The following SFXN2 variants were observed in gnomAD, a reference collection of about 807,000 sequenced individuals.
SFXN2 encodes the protein sideroflexin 2, also known as sideroflexin-2.
A neutral mutation model predicts 41.9 loss-of-function variants in SFXN2; 37 were observed. That is an observed-to-expected ratio of 0.88 (90% CI 0.68 to 1.16). SFXN2 has a LOEUF of 1.16. Among genes scored for constraint, SFXN2 ranks in the 50% most tolerant of loss-of-function variants. The probability of loss-of-function intolerance (pLI) is 0.00; values close to 1 mark genes in which losing one functional copy is unlikely to be tolerated. For synonymous variants in SFXN2, 150 were observed against 156.7 expected (o/e 0.96, Z 0.32); for missense variants, 386 against 425.2 (o/e 0.91, Z 0.81).
intron 11 of SFXN2, 71 bp from the exon 12 acceptor site, chr10:102,737,592 T>G: frequency 2.1e-6 from 2 of 948,934 alleles, no homozygotes; most frequent in Non-Finnish European, 3.4e-6. Flanking sequence ...TTCTTGGAGG[T>G]GATATTCATC....
intron 1 of SFXN2, among the ~76,000 whole-genome samples, chr10:102,719,213 G>A (rs1176091422): frequency 2.2e-4 from 33 of 150,314 alleles, no homozygotes; most frequent in Non-Finnish European, 4.1e-4. Context: ...ATGAGCCACC[G>A]TGCCCGGCCT....
Position 102,729,761 on chromosome 10 carries a change from C to T in SFXN2, c.546C>T (p.Ala182=), listed in dbSNP as rs755720291. ...TGGTGGGCCGCTGGGTGCCCTTTGC[C>T]GCTGTGGCTGCGGCTAACTGTGTCA... The part of the protein sequence containing the change: ...PPLVGRWVPF[A]AVAAANCVNI... The change falls in exon 6 of 12, where the codon GCC becomes GCT. Residue 182 remains alanine (A), a synonymous_variant. Transcript: ENST00000369893. The T allele has an allele frequency of 1.1e-5, 17 of 1,613,936 alleles. No homozygotes were observed. Among genetic ancestry groups the T allele is most frequent in the South Asian group, 2.2e-5 (2 of 91,092 alleles).
intron 10 of SFXN2, 130 bp downstream of exon 10, chr10:102,733,733 C>T: frequency 2.6e-6 from 2 of 762,880 alleles, no homozygotes; most frequent in Admixed American, 2.2e-5. Flanking sequence ...CTCAGAATAC[C>T]TGTGGTCCAT....
Position 102,738,609 on chromosome 10 carries a change from T to C in SFXN2, c.*847T>C, listed in dbSNP as rs2134013116. 6.6e-6 allele frequency: 1 copy of C among 152,202 alleles called. No individual in the cohort carries two copies. Among genetic ancestry groups the C allele is most frequent in the African/African-American group, 2.4e-5 (1 of 41,524 alleles). The allele number at this position is 152,202 out of a possible 1,614,324, so 9.4% of individuals were successfully genotyped here. Reference sequence around the variant, plus strand: ...ACCACACCCAGCCCGGACAGCTTCTTTGGGAGTGCTGCTAACCTTGAAATT... The same window carrying C: ...ACCACACCCAGCCCGGACAGCTTCTCTGGGAGTGCTGCTAACCTTGAAATT... On this transcript the variant is annotated 3_prime_UTR_variant, in exon 12 of 12. Coordinates refer to ENST00000369893, the MANE Select transcript of SFXN2 (RefSeq NM_178858.6).
chr10:102,724,908 A>C (rs1195923709), intron 1 of SFXN2: 2 of 124,950 alleles, frequency 1.6e-5, no homozygotes, highest in Non-Finnish European at 3.3e-5. Flanking sequence ...GTTTCTTCAA[A>C]CTGCGTTTTT....
chr10:102,733,210 C>T (rs1375298817), intron 9 of SFXN2, among the ~76,000 whole-genome samples: 3 of 152,172 alleles, frequency 2.0e-5, no homozygotes, highest in South Asian at 2.1e-4. Flanking sequence ...TGCAGTGGCG[C>T]GATCTTGGCT....
rs373421031 is a variant in SFXN2 at position 102,740,886 on chromosome 10, T to C, written c.*3124T>C. The C allele has an allele frequency of 1.3e-5, 2 of 152,340 alleles. No homozygotes were observed. The highest frequency in any genetic ancestry group is 4.1e-4 in the South Asian group (2 of 4,828). 9.4% of individuals were successfully genotyped at this position (152,340 alleles called of 1,614,324 possible). ...GTAGAGCTTGGAAACAACTCCTGAC[T>C]GATGTTCTTTCAGAACATACAATGT... is the stretch of plus-strand genomic sequence containing the variant. On this transcript the variant is annotated 3_prime_UTR_variant, in exon 12 of 12. Transcript: ENST00000369893.
rs117712858 is a variant in SFXN2, at chr10:102,729,213, C to T, written c.432-106C>T. On this transcript the variant is annotated intron_variant, in intron 4 of 11. Transcript: ENST00000369893. ...GATAAGGCTGGGGACAGATCCTGTGCGGTTTTCACGCACGAAGCCTCGCCA... is the reference window on the plus strand; with the variant it reads ...GATAAGGCTGGGGACAGATCCTGTGTGGTTTTCACGCACGAAGCCTCGCCA... 4.2e-4 allele frequency: 409 copies of T among 983,264 alleles called. 3 individuals are homozygous for T. In the East Asian group the frequency reaches 9.9e-3, roughly 24 times the overall value. The allele number at this position is 983,264 out of a possible 1,614,324, so 60.9% of individuals were successfully genotyped here.
At chr10:102,729,192 A>G in intron 4 of SFXN2, 127 bp from the exon 5 acceptor site, 1 of 795,786 alleles carries the variant, frequency 1.3e-6, no homozygotes, top group Non-Finnish European at 2.0e-6. Flanking sequence ...TCACAAGATA[A>G]GGCTGGGGAC....
chr10:102,731,132 T>G (rs2064697382), intron 6 of SFXN2, among the ~76,000 whole-genome samples: 2 of 151,122 alleles, frequency 1.3e-5, no homozygotes, highest in Non-Finnish European at 3.0e-5. Flanking sequence ...CCGGGCATGG[T>G]GGCGCATGCC....
At chr10:102,732,303 TGG>T in intron 8 of SFXN2, 85 bp downstream of exon 8, 1 of 1,211,456 alleles carries the variant, frequency 8.3e-7, no homozygotes, top group Non-Finnish European at 1.2e-6. Flanking sequence ...GGGTGGGAGG[TGG>T]GGCCCACCTT....
intron 1 of SFXN2, among the ~76,000 whole-genome samples, chr10:102,725,951 T>C (rs1218177680): frequency 6.6e-6 from 1 of 152,062 alleles, no homozygotes; most frequent in Non-Finnish European, 1.5e-5. Context: ...TTTTGTTTTG[T>C]TTTTCCCCCC....
At chr10:102,727,189 C>T (rs1284504134) in intron 3 of SFXN2, 32 bp downstream of exon 3, 6 of 1,577,226 alleles carry the variant, frequency 3.8e-6, no homozygotes, top group South Asian at 1.1e-5. Context: ...GTGGGAGGTA[C>T]AGCTGCCTGG....
At chr10:102,732,103 T>G (rs370143470) in intron 7 of SFXN2, 49 bp from the exon 8 acceptor site, 4 of 1,562,666 alleles carry the variant, frequency 2.6e-6, no homozygotes, top group Admixed American at 1.7e-5. Context: ...GTGCAGCACA[T>G]GTACACTGGA....
At chr10:102,731,256 G>C (rs1160158884) in intron 6 of SFXN2, among the ~76,000 whole-genome samples, 1 of 134,844 alleles carries the variant, frequency 7.4e-6, no homozygotes, top group South Asian at 2.5e-4. Context: ...GACAGAGTGC[G>C]ATTGTCTCAA....
At chr10:102,724,254 G>T (rs1262641119) in intron 1 of SFXN2, among the ~76,000 whole-genome samples, 1 of 152,282 alleles carries the variant, frequency 6.6e-6, no homozygotes, top group East Asian at 1.9e-4. Context: ...GTCTGCCATG[G>T]ATGGGCCTTT....
chr10:102,737,994 A>G lies in SFXN2; in HGVS notation c.*232A>G. 1 of 291,922 alleles carries G rather than the reference A, an allele frequency of 3.4e-6. No individual in the cohort carries two copies. The highest frequency in any genetic ancestry group is 6.4e-6 in the Non-Finnish European group (1 of 156,084). 18.1% of individuals were successfully genotyped at this position (291,922 alleles called of 1,614,324 possible). Reference sequence around the variant, plus strand: ...CCAATGTCTTCTAGCTGCTTCCTCAACCCCTGTCCCCTGGAGACCAGAAGC... The same window carrying G: ...CCAATGTCTTCTAGCTGCTTCCTCAGCCCCTGTCCCCTGGAGACCAGAAGC... On this transcript the variant is annotated 3_prime_UTR_variant, in exon 12 of 12. Coordinates refer to ENST00000369893, the MANE Select transcript of SFXN2 (RefSeq NM_178858.6).
At chr10:102,729,231 C>A in intron 4 of SFXN2, 88 bp from the exon 5 acceptor site, 1 of 1,291,248 alleles carries the variant, frequency 7.7e-7, no homozygotes, top group Non-Finnish European at 1.1e-6. Context: ...ACGCACGAAG[C>A]CTCGCCAGCC....
At chr10:102,722,111 A>G in intron 1 of SFXN2, among the ~76,000 whole-genome samples, 1 of 152,186 alleles carries the variant, frequency 6.6e-6, no homozygotes, top group Non-Finnish European at 1.5e-5. Flanking sequence ...AGTAAACTAC[A>G]TATCTGATCT....
Sources: gnomAD v4.1 joint callset for allele counts (sites outside exome capture counted in the v4.1 genomes callset) on GRCh38, gnomAD v4.1.1 for gene constraint, MANE v1.5 for transcripts, NCBI Gene and HGNC (gene_info 2026-07-23, HGNC 2026-07-21) for gene names.